KCNQ1: variants seen among roughly 807,000 people sequenced by gnomAD.
The protein encoded by KCNQ1 is potassium voltage-gated channel subfamily Q member 1.
Under a neutral mutation model 72.4 loss-of-function variants are expected in KCNQ1, and 49 were observed. The ratio of observed to expected loss-of-function variants is 0.68; its 90% CI spans 0.54 to 0.86. The LOEUF is 0.86. KCNQ1 is among the 40% of genes least tolerant of loss of function. KCNQ1 has a pLI of 0.00. For synonymous variants in KCNQ1, 450 were observed against 412.6 expected, an observed-to-expected ratio of 1.09 and a Z score of -1.10; for missense variants, 790 against 945.1, an observed-to-expected ratio of 0.84 and a Z score of 2.15.
chr11:2,625,977 C>G, intron 10 of KCNQ1: 1 of 398,586 alleles, frequency 2.5e-6, no homozygotes, highest in Non-Finnish European at 4.4e-6. Context: ...AAATTTTTCT[C>G]CCATTCTGTA....
chr11:2,666,985 G>A, intron 11 of KCNQ1: 1 of 398,724 alleles, frequency 2.5e-6, no homozygotes, highest in Non-Finnish European at 4.4e-6. Context: ...GCCCGGGAGG[G>A]CTGTACAGGG....
At chr11:2,521,459 GT>G (rs1315477020) in intron 1 of KCNQ1, 13 of 464,760 alleles carry the variant, frequency 2.8e-5, no homozygotes, top group Admixed American at 2.1e-4. Flanking sequence ...AAGTATTAAC[GT>G]AATTTTTAAT....
chr11:2,506,255 C>A (rs179411), intron 1 of KCNQ1, among the ~76,000 whole-genome samples: 5 of 152,164 alleles, frequency 3.3e-5, no homozygotes, highest in Non-Finnish European at 1.5e-5. Flanking sequence ...CAGCTTTATT[C>A]TTTTGCATGT....
At chr11:2,632,214 T>A (rs1046748887) in intron 10 of KCNQ1, 2 of 393,410 alleles carry the variant, frequency 5.1e-6, no homozygotes, top group Non-Finnish European at 8.9e-6. Flanking sequence ...GAAATGCAAC[T>A]GAATTTTGTG....
chr11:2,454,525 C>T (rs903985544), intron 1 of KCNQ1, among the ~76,000 whole-genome samples: 1 of 152,038 alleles, frequency 6.6e-6, no homozygotes, highest in Admixed American at 6.5e-5. Context: ...GCAGTGGCCA[C>T]ATAATTGTTG....
At chr11:2,553,673 T>G (rs1322946834) in intron 2 of KCNQ1, among the ~76,000 whole-genome samples, 1 of 151,544 alleles carries the variant, frequency 6.6e-6, no homozygotes, top group East Asian at 1.9e-4. Flanking sequence ...TTATTTTATT[T>G]TATTTATTTA....
chr11:2,593,178 GT>G lies in KCNQ1; in HGVS notation c.1393+4328del, dbSNP rs1265553808. Among the ~76,000 whole-genome samples, 1 of 152,194 alleles carries G rather than the reference GT, an allele frequency of 6.6e-6. No individual in the cohort carries two copies. Among genetic ancestry groups the G allele is most frequent in the Non-Finnish European group, 1.5e-5 (1 of 68,038 alleles). ...AAAAATGCAGGGCTGTGCCACCAGG[GT>G]TTTGTCTTGACAAAGGGACTGGAGG... On this transcript the variant is annotated intron_variant, in intron 10 of 15. Coordinates refer to ENST00000155840, the MANE Select transcript of KCNQ1 (RefSeq NM_000218.3). The surrounding 1 kb of genome is among the most constrained non-coding windows in gnomAD (Gnocchi z 6.9).
rs1851075842 is a variant in KCNQ1 at position 2,715,373 on chromosome 11, G to A, written c.1514+53292G>A. ...GCCAGGAAGGTGGACAGAGCAGGCAGGAGTGGGGCAGGAGGGGGCTTTGCA... is the reference window on the plus strand; with the variant it reads ...GCCAGGAAGGTGGACAGAGCAGGCAAGAGTGGGGCAGGAGGGGGCTTTGCA... On this transcript the variant is annotated intron_variant, in intron 11 of 15. Transcript: ENST00000155840. This position sits in a 1 kb window ranked among gnomAD's most constrained non-coding sequence, Gnocchi z 4.9. Among the ~76,000 whole-genome samples, 1 of 152,142 alleles carries A rather than the reference G, an allele frequency of 6.6e-6. No homozygotes were observed. The highest frequency in any genetic ancestry group is 1.5e-5 in the Non-Finnish European group (1 of 68,012).
chr11:2,508,296 C>G lies in KCNQ1; in HGVS notation c.387-19632C>G, dbSNP rs984766339. On this transcript the variant is annotated intron_variant, in intron 1 of 15. Coordinates refer to ENST00000155840, the MANE Select transcript of KCNQ1 (RefSeq NM_000218.3). This position sits in a 1 kb window ranked among gnomAD's most constrained non-coding sequence, Gnocchi z 6.2. ...TACTGGCTTGTCTGACTTGCCGTTA[C>G]CCGGCGGAGATATGTCTTGGAAAGA... is the stretch of plus-strand genomic sequence containing the variant. 7.2e-5 allele frequency among the ~76,000 whole-genome samples: 11 copies of G among 152,184 alleles called. No homozygotes were observed. The highest frequency in any genetic ancestry group is 2.4e-4 in the African/African-American group (10 of 41,446).
chr11:2,673,909 C>T lies in KCNQ1; in HGVS notation c.1514+11828C>T, dbSNP rs1043683591. On this transcript the variant is annotated intron_variant, in intron 11 of 15. Coordinates refer to ENST00000155840, the MANE Select transcript of KCNQ1 (RefSeq NM_000218.3). This position sits in a 1 kb window ranked among gnomAD's most constrained non-coding sequence, Gnocchi z 4.5. ...AGGAAGGGATGGGAGCTCAGCTCACCGGGTGCTAGACAAGGGAGTGTGTCT... is the reference window on the plus strand; with the variant it reads ...AGGAAGGGATGGGAGCTCAGCTCACTGGGTGCTAGACAAGGGAGTGTGTCT... The T allele has an allele frequency of 1.3e-5, 5 of 392,268 alleles. No individual in the cohort carries two copies. The highest frequency in any genetic ancestry group is 6.5e-5 in the African/African-American group (3 of 46,242). 24.3% of individuals were successfully genotyped at this position (392,268 alleles called of 1,614,324 possible). A position where few individuals can be genotyped will look rare whatever the true frequency, so the allele number is the denominator to read the frequency against.
At position 2,463,471 on chromosome 11, in the gene KCNQ1, T is replaced by TG. The variant is rs578166625; in HGVS notation, c.386+17993dup. On this transcript the variant is annotated intron_variant, in intron 1 of 15. Transcript: ENST00000155840. The surrounding 1 kb of genome is among the most constrained non-coding windows in gnomAD (Gnocchi z 7.0). ...CCTTGGTGCAGGTGGCGGGCGGGGC[T>TG]GGGGGGCTCTGTAGCCTTCCTGGCT... Among the ~76,000 whole-genome samples, 19 of 152,228 alleles carry TG rather than the reference T, an allele frequency of 1.2e-4. No homozygotes were observed. The East Asian group carries it at 3.7e-3, about 29-fold the overall frequency.
At chr11:2,755,029 G>T (rs1846278259) in intron 11 of KCNQ1, among the ~76,000 whole-genome samples, 1 of 152,156 alleles carries the variant, frequency 6.6e-6, no homozygotes, top group Admixed American at 6.5e-5. Flanking sequence ...TCCAACCCCA[G>T]GTCTGATGGG....
intron 10 of KCNQ1, chr11:2,648,995 T>C (rs2133840281): frequency 7.6e-6 from 3 of 394,214 alleles, no homozygotes; most frequent in South Asian, 2.6e-4. Flanking sequence ...TTTTTTTTTT[T>C]TTTTTTTTTG....
At position 2,579,359 on chromosome 11, in the gene KCNQ1, G is replaced by A. The variant is rs1198306668; in HGVS notation, c.922-4076G>A. On this transcript the variant is annotated intron_variant, in intron 6 of 15. Transcript: ENST00000155840. The surrounding 1 kb of genome is among the most constrained non-coding windows in gnomAD (Gnocchi z 6.0). ...AAACACACTGACCAGTGGGGTGTGCGTTCCCCGCTCGCCCCCACAGTTCCT... is the reference window on the plus strand; with the variant it reads ...AAACACACTGACCAGTGGGGTGTGCATTCCCCGCTCGCCCCCACAGTTCCT... 2.0e-5 allele frequency among the ~76,000 whole-genome samples: 3 copies of A among 152,180 alleles called. No individual in the cohort carries two copies. Among genetic ancestry groups the A allele is most frequent in the East Asian group, 1.9e-4 (1 of 5,178 alleles).
chr11:2,835,397 T>TCA (rs36227626), intron 15 of KCNQ1, among the ~76,000 whole-genome samples: 69 of 130,572 alleles, frequency 5.3e-4, no homozygotes, highest in African/African-American at 1.7e-3. Flanking sequence ...AAACCCTGAC[T>TCA]CACACACACA....
chr11:2,648,163 C>T (rs1849695980), intron 10 of KCNQ1: 2 of 395,444 alleles, frequency 5.1e-6, no homozygotes, highest in Non-Finnish European at 8.9e-6. Context: ...CAAGATCACA[C>T]CACTGCGCTC....
rs1848924235 is a variant in KCNQ1 at position 2,608,726 on chromosome 11, C to T, written c.1393+19872C>T. On this transcript the variant is annotated intron_variant, in intron 10 of 15. Coordinates refer to ENST00000155840, the MANE Select transcript of KCNQ1 (RefSeq NM_000218.3). This position sits in a 1 kb window ranked among gnomAD's most constrained non-coding sequence, Gnocchi z 4.6. ...CAATTCTCGAACTCCTGGCCACAAG[C>T]AATTCTCCTGCCTTGGCCTCCCAAA... The T allele has an allele frequency of 2.5e-6, 1 of 396,692 alleles. No homozygotes were observed. The highest frequency in any genetic ancestry group is 4.4e-5 in the Admixed American group (1 of 22,634). The allele number at this position is 396,692 out of a possible 1,614,324, so 24.6% of individuals were successfully genotyped here.
intron 10 of KCNQ1, chr11:2,629,791 T>C: frequency 2.5e-6 from 1 of 398,486 alleles, no homozygotes. Flanking sequence ...GCCACTTTAC[T>C]GAGTTAGATT....
rs193224346 is a variant in KCNQ1 at position 2,497,368 on chromosome 11, T to G, written c.387-30560T>G. Reference sequence around the variant, plus strand: ...TCTTGGAGGTTTTGTTCGTTCTTTTTCATCATTTTTTCTCTAATCTTGTCT... The same window carrying G: ...TCTTGGAGGTTTTGTTCGTTCTTTTGCATCATTTTTTCTCTAATCTTGTCT... On this transcript the variant is annotated intron_variant, in intron 1 of 15. Transcript: ENST00000155840. The surrounding 1 kb of genome is among the most constrained non-coding windows in gnomAD (Gnocchi z 4.5). Among the ~76,000 whole-genome samples the G allele has an allele frequency of 6.6e-6, 1 of 152,330 alleles. No homozygotes were observed. Among genetic ancestry groups the G allele is most frequent in the Non-Finnish European group, 1.5e-5 (1 of 68,030 alleles).
Sources: gnomAD v4.1 joint callset for allele counts (sites outside exome capture counted in the v4.1 genomes callset) on GRCh38, gnomAD v4.1.1 for gene constraint, Gnocchi (gnomAD v3.1) non-coding constraint, MANE v1.5 for transcripts, NCBI Gene and HGNC (gene_info 2026-07-23, HGNC 2026-07-21) for gene names.